The following SENP1 variants were observed in gnomAD, a reference collection of about 807,000 sequenced individuals.
SENP1 encodes sentrin-specific protease 1.
A neutral mutation model predicts 93.0 loss-of-function variants in SENP1; 21 were observed. The ratio of observed to expected loss-of-function variants is 0.23; its 90% confidence interval spans 0.16 to 0.33. SENP1 has a LOEUF of 0.33. SENP1 is among the 10% of genes least tolerant of loss of function. The probability of loss-of-function intolerance (pLI) is 1.00; values close to 1 mark genes in which losing one functional copy is unlikely to be tolerated. For missense variants in SENP1, 591 were observed against 758.7 expected (o/e 0.78, Z 2.60); for synonymous variants, 256 against 259.6 (o/e 0.99, Z 0.13).
intron 13 of SENP1, among the ~76,000 whole-genome samples, chr12:48,057,391 G>A (rs1032079252): frequency 2.1e-4 from 31 of 147,248 alleles, no homozygotes; most frequent in Non-Finnish European, 3.9e-4. Flanking sequence ...CACCACACCT[G>A]GCTAATTTTT....
At chr12:48,047,109 G>T in intron 15 of SENP1, 47 bp from the exon 16 acceptor site, 2 of 1,174,658 alleles carry the variant, frequency 1.7e-6, no homozygotes, top group South Asian at 1.3e-5. Context: ...GAACATCGAT[G>T]ACAGCTGCCA....
rs1336378557 is a variant in SENP1 at position 48,056,817 on chromosome 12, TATAA to T, written c.1407+6889_1407+6892del. On this transcript the variant is annotated intron_variant, in intron 13 of 17. Transcript: ENST00000549518. ...TATTTAATATATTACATATTACATA[TATAA>T]ATATATTTAACATATTACATATTAC... is the stretch of plus-strand genomic sequence containing the variant. 6.4e-4 allele frequency among the ~76,000 whole-genome samples: 43 copies of T among 66,904 alleles called. 3 individuals are homozygous for T. Among genetic ancestry groups the T allele is most frequent in the African/African-American group, 2.6e-3 (42 of 16,124 alleles). The allele number at this position is 66,904 out of a possible 152,430, so 43.9% of individuals were successfully genotyped here.
chr12:48,090,580 G>A (rs1443775495), intron 4 of SENP1, among the ~76,000 whole-genome samples: 1 of 152,152 alleles, frequency 6.6e-6, no homozygotes, highest in East Asian at 1.9e-4. Context: ...AGACCAAGAG[G>A]AAACTACAGA....
At chr12:48,103,202 T>C (rs540626957) in intron 1 of SENP1, among the ~76,000 whole-genome samples, 1 of 152,348 alleles carries the variant, frequency 6.6e-6, no homozygotes, top group African/African-American at 2.4e-5. Context: ...TCAATTTCCT[T>C]GCATTTTGTT....
rs955076862 is a variant in SENP1, at chr12:48,042,962, T to A, written c.*2360A>T. ...ACATAAGATATTAATAACATGCCTT[T>A]GGGCCATAAAATGCAGAAATACCTT... On this transcript the variant is annotated 3_prime_UTR_variant, in exon 18 of 18. Coordinates refer to ENST00000549518, the MANE Select transcript of SENP1 (RefSeq NM_001267594.2). The A allele has an allele frequency of 6.6e-6, 1 of 151,904 alleles. No individual in the cohort carries two copies. Among genetic ancestry groups the A allele is most frequent in the Admixed American group, 6.6e-5 (1 of 15,248 alleles). 9.4% of individuals were successfully genotyped at this position (151,904 alleles called of 1,614,324 possible). A position where few individuals can be genotyped will look rare whatever the true frequency, so the allele number is the denominator to read the frequency against.
intron 5 of SENP1, chr12:48,085,253 C>T: frequency 6.4e-7 from 1 of 1,552,156 alleles, no homozygotes; most frequent in South Asian, 1.1e-5. Context: ...CTGGCATCAT[C>T]CTCATCAACC....
intron 5 of SENP1, among the ~76,000 whole-genome samples, chr12:48,087,611 T>C (rs1341490223): frequency 6.6e-6 from 1 of 152,226 alleles, no homozygotes; most frequent in African/African-American, 2.4e-5. Context: ...GGATTGGGAT[T>C]GTGGGTAGTG....
chr12:48,065,827 G>C (rs773135050), intron 10 of SENP1, 147 bp from the exon 11 acceptor site: 25 of 588,042 alleles, frequency 4.3e-5, no homozygotes, highest in African/African-American at 3.6e-4. Context: ...TTAAGACATA[G>C]AGTGAAACCA....
At chr12:48,082,461 T>G (rs1944555550) in intron 6 of SENP1, among the ~76,000 whole-genome samples, 1 of 152,190 alleles carries the variant, frequency 6.6e-6, no homozygotes, top group Admixed American at 6.5e-5. Flanking sequence ...GACCCTTATT[T>G]TCCTAATCTG....
intron 5 of SENP1, chr12:48,084,940 T>A (rs1199819179): frequency 3.7e-6 from 2 of 539,484 alleles, no homozygotes; most frequent in Admixed American, 3.4e-5. Flanking sequence ...TCAGACAAGA[T>A]CTAAAGAAAA....
At chr12:48,078,757 T>C (rs569340761) in intron 6 of SENP1, among the ~76,000 whole-genome samples, 2 of 152,374 alleles carry the variant, frequency 1.3e-5, no homozygotes, top group South Asian at 4.1e-4. Context: ...AAATGAAAGT[T>C]ACCTAAATAA....
At chr12:48,060,289 C>T (rs1942872914) in intron 13 of SENP1, among the ~76,000 whole-genome samples, 1 of 152,034 alleles carries the variant, frequency 6.6e-6, no homozygotes, top group Admixed American at 6.6e-5. Context: ...ACTTGTATAC[C>T]TAAATTATAT....
At chr12:48,072,848 C>T (rs1388836364) in intron 8 of SENP1, among the ~76,000 whole-genome samples, 1 of 151,916 alleles carries the variant, frequency 6.6e-6, no homozygotes, top group African/African-American at 2.4e-5. Flanking sequence ...ATAGTATACT[C>T]TCCATGGTTT....
At chr12:48,050,987 A>C (rs996040769) in intron 13 of SENP1, among the ~76,000 whole-genome samples, 7 of 152,106 alleles carry the variant, frequency 4.6e-5, no homozygotes, top group Non-Finnish European at 8.8e-5. Flanking sequence ...GGAATCAGGC[A>C]GAGAGATAAG....
intron 9 of SENP1, among the ~76,000 whole-genome samples, chr12:48,069,152 C>CAAAAAAAAAAAAAAAAAAAAA (rs10564674): frequency 1.3e-5 from 1 of 76,336 alleles, no homozygotes; most frequent in African/African-American, 5.6e-5. Flanking sequence ...GACTCTGTCA[C>CAAAAAAAAAAAAAAAAAAAAA]AAAAAAAAAA....
chr12:48,067,430 C>A (rs180902720), intron 9 of SENP1, among the ~76,000 whole-genome samples: 2 of 152,340 alleles, frequency 1.3e-5, no homozygotes, highest in Admixed American at 1.3e-4. Flanking sequence ...ACACAACTTC[C>A]TTCCAAAGAT....
intron 2 of SENP1, among the ~76,000 whole-genome samples, chr12:48,100,621 C>T (rs562203729): frequency 2.1e-4 from 31 of 150,226 alleles, no homozygotes; most frequent in African/African-American, 6.9e-4. Flanking sequence ...GGTGACAGAG[C>T]GAGACTCCGT....
intron 13 of SENP1, 194 bp downstream of exon 13, chr12:48,063,516 T>A: frequency 2.1e-6 from 1 of 486,270 alleles, no homozygotes; most frequent in Middle Eastern, 5.5e-4. Flanking sequence ...GACTTTAAAA[T>A]ACACCTGAGA....
At chr12:48,076,706 G>A (rs1347536692) in intron 6 of SENP1, among the ~76,000 whole-genome samples, 4 of 149,132 alleles carry the variant, frequency 2.7e-5, no homozygotes, top group East Asian at 2.0e-4. Flanking sequence ...GCAGTGGCAC[G>A]ATCTCTACTC....
Sources: allele counts gnomAD v4.1 joint callset (sites outside exome capture counted in the v4.1 genomes callset), GRCh38; gene constraint gnomAD v4.1.1; transcripts MANE v1.5; gene names NCBI Gene and HGNC (gene_info 2026-07-23, HGNC 2026-07-21).